INTS1: variants seen among roughly 807,000 people sequenced by gnomAD.
The protein encoded by INTS1 is integrator complex subunit 1.
A neutral mutation model predicts 241.6 loss-of-function variants in INTS1; 137 were observed. The observed-to-expected ratio is 0.57, with a 90% CI of 0.49 to 0.65. The LOEUF (loss-of-function observed/expected upper bound fraction) is 0.65. INTS1 is among the 30% of genes least tolerant of loss of function. The probability of loss-of-function intolerance (pLI) is 0.00; values close to 1 mark genes in which losing one functional copy is unlikely to be tolerated. For synonymous variants in INTS1, 1,692 were observed against 1,337.8 expected (o/e 1.26, Z -5.78); for missense variants, 3,073 against 3,032.2 (o/e 1.01, Z -0.32).
intron 13 of INTS1, 136 bp downstream of exon 13, chr7:1,495,297 G>C: frequency 9.3e-7 from 1 of 1,072,188 alleles, no homozygotes; most frequent in Non-Finnish European, 1.3e-6. Flanking sequence ...CCGGCTTAGT[G>C]GGGTGTGGGG....
At chr7:1,483,695 G>A in intron 26 of INTS1, 47 bp downstream of exon 26, 1 of 1,466,260 alleles carries the variant, frequency 6.8e-7, no homozygotes, top group Non-Finnish European at 9.5e-7. Context: ...CAGGGCTGTG[G>A]CCCACCTGGC....
rs200214159 is a variant in INTS1 at position 1,481,430 on chromosome 7, G to A, written c.3762C>T (p.Pro1254=). ...LLLFVQSFGI[P]VSSMSKLLQF... The stretch of plus-strand genomic sequence containing the variant: ...GGAGGAGTTTGCTCATGCTGGACAC[G>A]GGGATGCCAAACGACTGCACGAACA... The change falls in exon 28 of 48, where the codon CCC becomes CCT. Residue 1254 remains proline (P), a synonymous_variant. Coordinates refer to ENST00000404767, the MANE Select transcript of INTS1 (RefSeq NM_001080453.3). The surrounding 1 kb of genome is among the most constrained non-coding windows in gnomAD (Gnocchi z 6.8). 133 of 1,612,682 alleles carry A rather than the reference G, an allele frequency of 8.2e-5. No individual in the cohort carries two copies. Among genetic ancestry groups the A allele is most frequent in the South Asian group, 9.9e-5 (9 of 91,086 alleles).
rs748094626 is a variant in INTS1, at chr7:1,470,530, G to A, written c.*47C>T. 102 of 1,410,552 alleles carry A rather than the reference G, an allele frequency of 7.2e-5. No individual in the cohort carries two copies. The highest frequency in any genetic ancestry group is 4.2e-4 in the African/African-American group (29 of 69,852). 87.4% of individuals were successfully genotyped at this position (1,410,552 alleles called of 1,614,324 possible). A position where few individuals can be genotyped will look rare whatever the true frequency, so the allele number is the denominator to read the frequency against. On this transcript the variant is annotated 3_prime_UTR_variant, in exon 48 of 48. Coordinates refer to ENST00000404767, the MANE Select transcript of INTS1 (RefSeq NM_001080453.3). ...CCTGGGCTTTGCCTCGAGGATCCCC[G>A]GGGACGGGACGGGCCGGGGCTTGGA...
At position 1,476,413 on chromosome 7, in the gene INTS1, G is replaced by A; in HGVS notation, c.5194C>T (p.Leu1732Phe). Residue 1732 changes from leucine to phenylalanine, a missense_variant, in exon 38 of 48, where the codon CTC (leucine) becomes TTC (phenylalanine). Leu to Phe is a conservative substitution (Grantham distance 22, BLOSUM62 0). Transcript: ENST00000404767. Reference protein sequence around the residue: ...ELVLRVQGPELISLVELILAE... With the variant: ...ELVLRVQGPEFISLVELILAE... The stretch of plus-strand genomic sequence containing the variant: ...AGGATCAGCTCCACCAGGCTGATGA[G>A]CTCCGGGCCCTGGACCCGCAGCACC... 1 of 1,572,908 alleles carries A rather than the reference G, an allele frequency of 6.4e-7. No individual in the cohort carries two copies. The highest frequency in any genetic ancestry group is 8.6e-7 in the Non-Finnish European group (1 of 1,165,134).
In INTS1 at chr7:1,480,815, GC is replaced by G; in HGVS notation, c.3949+19del. The G allele has an allele frequency of 6.5e-7, 1 of 1,538,962 alleles. No homozygotes were observed. Among genetic ancestry groups the G allele is most frequent in the South Asian group, 1.2e-5 (1 of 83,726 alleles). On this transcript the variant is annotated intron_variant, in intron 29 of 47. Coordinates refer to ENST00000404767, the MANE Select transcript of INTS1 (RefSeq NM_001080453.3). ...CTCCCCAGGCTGGGTCTCTGTGCTGGCCCCACCCCTCCCCAGTACCTCGGCG... is the reference window on the plus strand; with the variant it reads ...CTCCCCAGGCTGGGTCTCTGTGCTGGCCCACCCCTCCCCAGTACCTCGGCG...
intron 31 of INTS1, 48 bp downstream of exon 31, chr7:1,479,382 A>C (rs1781883934): frequency 1.3e-6 from 2 of 1,536,240 alleles, no homozygotes; most frequent in Middle Eastern, 1.9e-4. Flanking sequence ...TGCGGGAGGC[A>C]GAGCCCTCAC....
At chr7:1,500,738 G>A (rs1783135209) in intron 3 of INTS1, among the ~76,000 whole-genome samples, 1 of 152,108 alleles carries the variant, frequency 6.6e-6, no homozygotes, top group African/African-American at 2.4e-5. Flanking sequence ...CAGCACAGTG[G>A]CCCTCTCTCC....
In INTS1 at chr7:1,503,829, G is replaced by C. The variant is rs564554366; in HGVS notation, c.58+74C>G. The C allele has an allele frequency of 4.5e-5, 42 of 925,696 alleles. No homozygotes were observed. The South Asian group carries it at 6.1e-4, about 13-fold the overall frequency. 57.3% of individuals were successfully genotyped at this position (925,696 alleles called of 1,614,324 possible). On this transcript the variant is annotated intron_variant, in intron 2 of 47. Transcript: ENST00000404767. ...CAACCAAGCCCAACGCAGGATCCGCGGCAGCTGAGATCCCCAAAGACCCCC... is the reference window on the plus strand; with the variant it reads ...CAACCAAGCCCAACGCAGGATCCGCCGCAGCTGAGATCCCCAAAGACCCCC...
At chr7:1,490,854 G>C (rs1049211471) in intron 16 of INTS1, among the ~76,000 whole-genome samples, 1 of 152,244 alleles carries the variant, frequency 6.6e-6, no homozygotes, top group Non-Finnish European at 1.5e-5. Context: ...TAGACGGACA[G>C]AACAGACGTG....
At chr7:1,504,031 T>C (rs1209516928) in intron 1 of INTS1, 30 bp from the exon 2 acceptor site, 1 of 1,148,836 alleles carries the variant, frequency 8.7e-7, no homozygotes, top group Admixed American at 2.4e-5. Flanking sequence ...CGGTCATTCC[T>C]TCACTCATTC....
Position 1,482,686 on chromosome 7 carries a change from G to C in INTS1, c.3563C>G (p.Ala1188Gly). 1 of 1,612,716 alleles carries C rather than the reference G, an allele frequency of 6.2e-7. No homozygotes were observed. Among genetic ancestry groups the C allele is most frequent in the Non-Finnish European group, 8.5e-7 (1 of 1,179,836 alleles). ...CTCCGGAAACCAGATGTCCAGCAGC[G>C]CCTGGAACTCGCTGTCGTCGGCTTC... Reference protein sequence around the residue: ...PPRADDSEFQALLDIWFPEEK... With the variant: ...PPRADDSEFQGLLDIWFPEEK... Residue 1188 changes from alanine to glycine, a missense_variant, in exon 27 of 48, where the codon GCG (alanine) becomes GGG (glycine). Ala to Gly is a moderately conservative substitution (Grantham distance 60, BLOSUM62 0). Coordinates refer to ENST00000404767, the MANE Select transcript of INTS1 (RefSeq NM_001080453.3).
rs531330388 is a variant in INTS1, at chr7:1,477,470, G to A, written c.4938+80C>T. The A allele has an allele frequency of 1.5e-4, 222 of 1,436,436 alleles. No individual in the cohort carries two copies. The African/African-American group carries it at 2.9e-3, about 19-fold the overall frequency. The allele number at this position is 1,436,436 out of a possible 1,614,324, so 89.0% of individuals were successfully genotyped here. On this transcript the variant is annotated intron_variant, in intron 35 of 47. Coordinates refer to ENST00000404767, the MANE Select transcript of INTS1 (RefSeq NM_001080453.3). ...CTGGGGCCCCTGCAAGGCTCGCCCA[G>A]GCCAAGGCTGCTGCACTTCAGGTCA...
At chr7:1,472,443 A>G in intron 43 of INTS1, 57 bp from the exon 44 acceptor site, 1 of 1,263,008 alleles carries the variant, frequency 7.9e-7, no homozygotes, top group Admixed American at 2.3e-5. Context: ...TGCCACACTG[A>G]GGCACCAGGA....
Position 1,486,843 on chromosome 7 carries a change from C to A in INTS1, c.2827-69G>T, listed in dbSNP as rs1782290857. 4.8e-6 allele frequency: 7 copies of A among 1,457,548 alleles called. No homozygotes were observed. The Admixed American group carries it at 7.4e-5, about 15-fold the overall frequency. 90.3% of individuals were successfully genotyped at this position (1,457,548 alleles called of 1,614,324 possible). A position where few individuals can be genotyped will look rare whatever the true frequency, so the allele number is the denominator to read the frequency against. The stretch of plus-strand genomic sequence containing the variant: ...GGCGGGTAGGACGTGGGGTGCGCGG[C>A]TGGTGGGCTCAGGCATGGGTTGCCC... On this transcript the variant is annotated intron_variant, in intron 21 of 47. Transcript: ENST00000404767.
rs1782005101 is a variant in INTS1, at chr7:1,481,669, A to T, written c.3704-181T>A. On this transcript the variant is annotated intron_variant, in intron 27 of 47. Transcript: ENST00000404767. The surrounding 1 kb of genome is among the most constrained non-coding windows in gnomAD (Gnocchi z 6.8). ...TGCACACTCGGCAGCCCCACCTGAG[A>T]CCCTGGGCCACGTGGGCTCGGTGAC... 1.4e-5 allele frequency among the ~76,000 whole-genome samples: 2 copies of T among 147,522 alleles called. No individual in the cohort carries two copies. Among genetic ancestry groups the T allele is most frequent in the African/African-American group, 5.1e-5 (2 of 39,492 alleles).
chr7:1,498,005 G>C (rs953607965), intron 10 of INTS1, among the ~76,000 whole-genome samples: 1 of 152,224 alleles, frequency 6.6e-6, no homozygotes, highest in African/African-American at 2.4e-5. Context: ...CTTGAGCCCA[G>C]GAGTTTGAGA....
rs779865971 is a variant in INTS1, at chr7:1,476,926, G to A, written c.4939-8C>T. On this transcript the variant is annotated splice_region_variant and splice_polypyrimidine_tract_variant and intron_variant, in intron 35 of 47. Transcript: ENST00000404767. The stretch of plus-strand genomic sequence containing the variant: ...CTGGGCCTGACCTTTGCCCTGGGGA[G>A]GGAGGAAGAAGCCCGGATGGCCTCA... 3 of 1,608,342 alleles carry A rather than the reference G, an allele frequency of 1.9e-6. No individual in the cohort carries two copies. The highest frequency in any genetic ancestry group is 2.2e-5 in the East Asian group (1 of 44,802).
intron 16 of INTS1, among the ~76,000 whole-genome samples, chr7:1,492,420 C>T (rs1782601127): frequency 6.6e-6 from 1 of 152,146 alleles, no homozygotes; most frequent in African/African-American, 2.4e-5. Context: ...AGGTGAGCAG[C>T]TGCGTGGGCT....
At position 1,481,298 on chromosome 7, in the gene INTS1, G is replaced by A. The variant is rs750281232; in HGVS notation, c.3850+44C>T. The A allele has an allele frequency of 3.2e-5, 52 of 1,609,188 alleles. No homozygotes were observed. The highest frequency in any genetic ancestry group is 2.1e-4 in the African/African-American group (16 of 74,858). On this transcript the variant is annotated intron_variant, in intron 28 of 47. Coordinates refer to ENST00000404767, the MANE Select transcript of INTS1 (RefSeq NM_001080453.3). This position sits in a 1 kb window ranked among gnomAD's most constrained non-coding sequence, Gnocchi z 6.8. ...CAAAAGCCTGGCCGGGCTGGGGCTCGGTCAGCGTGTGTGAACCCACTCCGC... is the reference window on the plus strand; with the variant it reads ...CAAAAGCCTGGCCGGGCTGGGGCTCAGTCAGCGTGTGTGAACCCACTCCGC...
Sources: allele counts gnomAD v4.1 joint callset (sites outside exome capture counted in the v4.1 genomes callset), GRCh38; gene constraint gnomAD v4.1.1; non-coding constraint Gnocchi (gnomAD v3.1); transcripts MANE v1.5; gene names NCBI Gene and HGNC (gene_info 2026-07-23, HGNC 2026-07-21).